SAR1B: variants seen among roughly 807,000 people sequenced by gnomAD.
The protein encoded by SAR1B is small COPII coat GTPase SAR1B.
SAR1B carries 23 observed loss-of-function variants against 26.8 expected under a neutral mutation model. That is an observed-to-expected ratio of 0.86 (90% CI 0.62 to 1.22). The LOEUF (loss-of-function observed/expected upper bound fraction) is 1.22. Among genes scored for constraint, SAR1B ranks in the 50% most tolerant of loss-of-function variants. SAR1B has a pLI of 0.00. For missense variants in SAR1B, 196 were observed against 232.8 expected (o/e 0.84, Z 1.03); for synonymous variants, 65 against 80.8 (o/e 0.80, Z 1.05).
At chr5:134,616,458 G>C (rs1343607267) in intron 3 of SAR1B, among the ~76,000 whole-genome samples, 2 of 149,452 alleles carry the variant, frequency 1.3e-5, no homozygotes, top group Non-Finnish European at 3.0e-5. Flanking sequence ...AAAAAAGAAA[G>C]AAAGAAATTC....
Position 134,609,729 on chromosome 5 carries a change from G to A in SAR1B, c.245-55C>T. The stretch of plus-strand genomic sequence containing the variant: ...ACTTGTTGGTCAAACCCAGCAGATG[G>A]TTTAAGCAAAGAGTCCAACCAGATA... On this transcript the variant is annotated intron_variant, in intron 4 of 6. Transcript: ENST00000402673. 2.1e-6 allele frequency: 3 copies of A among 1,408,082 alleles called. No individual in the cohort carries two copies. In the South Asian group the frequency reaches 3.5e-5, roughly 16 times the overall value. 87.2% of individuals were successfully genotyped at this position (1,408,082 alleles called of 1,614,324 possible). A position where few individuals can be genotyped will look rare whatever the true frequency, so the allele number is the denominator to read the frequency against.
Position 134,603,967 on chromosome 5 carries a change from A to C in SAR1B, c.*2983T>G, listed in dbSNP as rs565035438. ...GTCTGCACAGGCAGTATCTGTGTTC[A>C]TATATCTTTGGCACTCATACAAAGA... On this transcript the variant is annotated 3_prime_UTR_variant, in exon 7 of 7. Coordinates refer to ENST00000402673, the MANE Select transcript of SAR1B (RefSeq NM_016103.4). 1 of 152,372 alleles carries C rather than the reference A, an allele frequency of 6.6e-6. No individual in the cohort carries two copies. The highest frequency in any genetic ancestry group is 1.9e-4 in the East Asian group (1 of 5,188). The allele number at this position is 152,372 out of a possible 1,614,324, so 9.4% of individuals were successfully genotyped here. A position where few individuals can be genotyped will look rare whatever the true frequency, so the allele number is the denominator to read the frequency against.
chr5:134,605,663 A>C lies in SAR1B; in HGVS notation c.*1287T>G, dbSNP rs1414957518. 11 of 150,024 alleles carry C rather than the reference A, an allele frequency of 7.3e-5. No individual in the cohort carries two copies. The highest frequency in any genetic ancestry group is 6.0e-4 in the Admixed American group (9 of 15,102). 9.3% of individuals were successfully genotyped at this position (150,024 alleles called of 1,614,324 possible). A position where few individuals can be genotyped will look rare whatever the true frequency, so the allele number is the denominator to read the frequency against. ...CTAAAACAAAATGAAACAGAGCAAA[A>C]AAAAAAAAAAAAAAAAAGCCCAACA... On this transcript the variant is annotated 3_prime_UTR_variant, in exon 7 of 7. Coordinates refer to ENST00000402673, the MANE Select transcript of SAR1B (RefSeq NM_016103.4).
chr5:134,624,997 G>C (rs761655190), intron 1 of SAR1B, among the ~76,000 whole-genome samples: 1 of 152,122 alleles, frequency 6.6e-6, no homozygotes, highest in Non-Finnish European at 1.5e-5. Context: ...GGAGATAGTG[G>C]GATGGAAGAA....
At chr5:134,625,743 G>GGAGTCTTCCAGGTGAT (rs1765483638) in intron 1 of SAR1B, 2 of 152,158 alleles carry the variant, frequency 1.3e-5, no homozygotes, top group Non-Finnish European at 2.9e-5. Flanking sequence ...AGGCTAGAGG[G>GGAGTCTTCCAGGTGAT]TACACTGTCC....
At chr5:134,623,675 T>C (rs1477577106) in intron 2 of SAR1B, among the ~76,000 whole-genome samples, 1 of 152,092 alleles carries the variant, frequency 6.6e-6, no homozygotes, top group African/African-American at 2.4e-5. Flanking sequence ...TAATAAATGG[T>C]AGATAGTTCT....
In SAR1B at chr5:134,601,270, T is replaced by C. The variant is rs767879127; in HGVS notation, c.*5680A>G. On this transcript the variant is annotated 3_prime_UTR_variant, in exon 7 of 7. Transcript: ENST00000402673. ...AACACAATTCAAAAACGTTTAACCA[T>C]CTATTATAGCTCTTTGTTGTAAAAC... is the stretch of plus-strand genomic sequence containing the variant. 2 of 152,192 alleles carry C rather than the reference T, an allele frequency of 1.3e-5. No homozygotes were observed. Among genetic ancestry groups the C allele is most frequent in the African/African-American group, 2.4e-5 (1 of 41,446 alleles). The allele number at this position is 152,192 out of a possible 1,614,324, so 9.4% of individuals were successfully genotyped here. A position where few individuals can be genotyped will look rare whatever the true frequency, so the allele number is the denominator to read the frequency against.
At chr5:134,616,890 C>T (rs1020915174) in intron 3 of SAR1B, among the ~76,000 whole-genome samples, 16 of 152,122 alleles carry the variant, frequency 1.1e-4, no homozygotes, top group African/African-American at 3.9e-4. Context: ...TATCAATTTC[C>T]TTTTTGATGG....
intron 1 of SAR1B, among the ~76,000 whole-genome samples, 151 bp downstream of exon 1, chr5:134,632,577 C>T (rs1476141460): frequency 6.6e-6 from 1 of 152,228 alleles, no homozygotes; most frequent in Non-Finnish European, 1.5e-5. Context: ...TCCTCCCTCG[C>T]GCCGCCTAAC....
At chr5:134,619,443 T>C (rs1296713289) in intron 3 of SAR1B, among the ~76,000 whole-genome samples, 1 of 151,860 alleles carries the variant, frequency 6.6e-6, no homozygotes, top group Non-Finnish European at 1.5e-5. Flanking sequence ...CAGTGAAGCC[T>C]TGAACACCTA....
rs1765058526 is a variant in SAR1B at position 134,602,773 on chromosome 5, G to A, written c.*4177C>T. On this transcript the variant is annotated 3_prime_UTR_variant, in exon 7 of 7. Transcript: ENST00000402673. ...TGCACCTGTAATCCCAGCTACTCGGGATGGTGAGGCACGAGAATCGCTTGA... is the reference window on the plus strand; with the variant it reads ...TGCACCTGTAATCCCAGCTACTCGGAATGGTGAGGCACGAGAATCGCTTGA... 1.3e-5 allele frequency: 2 copies of A among 152,070 alleles called. No individual in the cohort carries two copies. The highest frequency in any genetic ancestry group is 3.8e-4 in the East Asian group (2 of 5,196). 9.4% of individuals were successfully genotyped at this position (152,070 alleles called of 1,614,324 possible).
intron 5 of SAR1B, among the ~76,000 whole-genome samples, 188 bp downstream of exon 5, chr5:134,609,383 C>A (rs1765177738): frequency 6.6e-6 from 1 of 152,174 alleles, no homozygotes; most frequent in Non-Finnish European, 1.5e-5. Context: ...TCAATAGCTA[C>A]AATTACTCAG....
intron 3 of SAR1B, among the ~76,000 whole-genome samples, chr5:134,615,292 G>A (rs1210808589): frequency 6.6e-6 from 1 of 150,998 alleles, no homozygotes; most frequent in Non-Finnish European, 1.5e-5. Flanking sequence ...AGGTTGCAAT[G>A]AGCCGAGATT....
In SAR1B at chr5:134,608,426, G is replaced by A. The variant is rs2150049689; in HGVS notation, c.426C>T (p.Ile142=). The A allele has an allele frequency of 6.2e-7, 1 of 1,606,996 alleles. No homozygotes were observed. Among genetic ancestry groups the A allele is most frequent in the Non-Finnish European group, 8.5e-7 (1 of 1,177,700 alleles). ...ACATCTCTCGCAACCTCTCTTCACT[G>A]ATGGCTTCAGGTCTGTCGATCTTAT... The part of the protein sequence containing the change: ...LGNKIDRPEA[I]SEERLREMFG... The change falls in exon 6 of 7, where the codon ATC becomes ATT. Residue 142 remains isoleucine, a synonymous_variant. Transcript: ENST00000402673.
rs1765074886 is a variant in SAR1B at position 134,603,457 on chromosome 5, T to G, written c.*3493A>C. 1 of 152,256 alleles carries G rather than the reference T, an allele frequency of 6.6e-6. No homozygotes were observed. The highest frequency in any genetic ancestry group is 6.5e-5 in the Admixed American group (1 of 15,282). The allele number at this position is 152,256 out of a possible 1,614,324, so 9.4% of individuals were successfully genotyped here. On this transcript the variant is annotated 3_prime_UTR_variant, in exon 7 of 7. Coordinates refer to ENST00000402673, the MANE Select transcript of SAR1B (RefSeq NM_016103.4). Reference sequence around the variant, plus strand: ...TATTATCACAGTTATCACCCTATTTTAATGATTTACAAGTAGTTTATGCGC... The same window carrying G: ...TATTATCACAGTTATCACCCTATTTGAATGATTTACAAGTAGTTTATGCGC...
intron 3 of SAR1B, among the ~76,000 whole-genome samples, chr5:134,618,604 TA>T (rs993423890): frequency 6.6e-6 from 1 of 152,250 alleles, no homozygotes; most frequent in Non-Finnish European, 1.5e-5. Context: ...GGTCACAGGT[TA>T]AATTAGGTTT....
Position 134,615,460 on chromosome 5 carries a change from A to G in SAR1B, c.179-2704T>C, listed in dbSNP as rs988271215. Among the ~76,000 whole-genome samples the G allele has an allele frequency of 2.0e-5, 3 of 151,470 alleles. No individual in the cohort carries two copies. The Middle Eastern group carries it at 0.01, about 519-fold the overall frequency. On this transcript the variant is annotated intron_variant, in intron 3 of 6. Coordinates refer to ENST00000402673, the MANE Select transcript of SAR1B (RefSeq NM_016103.4). The stretch of plus-strand genomic sequence containing the variant: ...AACCCAGGAGGCGGAGGTTGCAGTG[A>G]GCCGAGATTGCGCCATTGCACTCCA...
intron 6 of SAR1B, among the ~76,000 whole-genome samples, chr5:134,607,917 A>G (rs1291689079): frequency 1.1e-4 from 17 of 152,182 alleles, no homozygotes; most frequent in Admixed American, 1.1e-3. Flanking sequence ...TTTCCCCCAA[A>G]ATAAATCCTA....
At chr5:134,629,818 G>A (rs980955313) in intron 1 of SAR1B, among the ~76,000 whole-genome samples, 2 of 149,320 alleles carry the variant, frequency 1.3e-5, no homozygotes, top group Non-Finnish European at 3.0e-5. Context: ...CCCGGGAGAC[G>A]GAGGTTGCAG....
Sources: gnomAD v4.1 joint callset for allele counts (sites outside exome capture counted in the v4.1 genomes callset) on GRCh38, gnomAD v4.1.1 for gene constraint, MANE v1.5 for transcripts, NCBI Gene and HGNC (gene_info 2026-07-23, HGNC 2026-07-21) for gene names.